TET1: variants seen among roughly 807,000 people sequenced by gnomAD.
TET1 encodes methylcytosine dioxygenase TET1.
TET1 carries 13 observed loss-of-function variants against 148.7 expected under a neutral mutation model. The observed-to-expected ratio is 0.09, with a 90% confidence interval of 0.06 to 0.14. TET1 has a LOEUF of 0.14. Ranked by LOEUF, TET1 falls within the 10% of genes least tolerant of loss-of-function variation. The pLI, the probability that TET1 is intolerant of heterozygous loss-of-function variation, is 1.00. For missense variants in TET1, 2,182 were observed against 2,553.8 expected (o/e 0.85, Z 3.14); for synonymous variants, 907 against 937.2 (o/e 0.97, Z 0.59).
intron 2 of TET1, among the ~76,000 whole-genome samples, chr10:68,593,915 ATT>A (rs3998851): frequency 1.3e-3 from 56 of 44,730 alleles, no homozygotes; most frequent in African/African-American, 3.1e-3. Flanking sequence ...CGCCTGAGCT[ATT>A]TTTTTTTTTT....
chr10:68,606,095 G>A (rs1335761383), intron 3 of TET1, among the ~76,000 whole-genome samples: 3 of 152,166 alleles, frequency 2.0e-5, no homozygotes, highest in African/African-American at 7.2e-5. Flanking sequence ...GGCCAGGTTC[G>A]GTGGCTCATG....
chr10:68,611,813 CCTCAG>C (rs1444137896), intron 3 of TET1, among the ~76,000 whole-genome samples: 3 of 132,764 alleles, frequency 2.3e-5, no homozygotes, highest in Non-Finnish European at 3.2e-5. Flanking sequence ...GATTCTCCTG[CCTCAG>C]TCTCCATGAG....
intron 7 of TET1, among the ~76,000 whole-genome samples, chr10:68,667,468 C>T (rs2055209694): frequency 6.6e-6 from 1 of 152,126 alleles, no homozygotes; most frequent in African/African-American, 2.4e-5. Context: ...AATATTACTT[C>T]ACTGTGACCA....
rs374116756 is a variant in TET1 at position 68,573,657 on chromosome 10, T to C, written c.1319T>C (p.Ile440Thr). ...PVFLPVPPNP[I>T]ATFNAPSKWP... ...TTCCTTCCTGTTCCTCCAAATCCAA[T>C]TGCTACCTTTAATGCTCCTTCCAAA... The change falls in exon 2 of 12, where the codon ATT (isoleucine) becomes ACT (threonine). Residue 440 changes from isoleucine to threonine, a missense_variant. Physicochemically the swap from Ile to Thr is moderately conservative, Grantham distance 89. Coordinates refer to ENST00000373644, the MANE Select transcript of TET1 (RefSeq NM_030625.3). 4.3e-6 allele frequency: 7 copies of C among 1,614,124 alleles called. No homozygotes were observed. The highest frequency in any genetic ancestry group is 2.7e-5 in the African/African-American group (2 of 75,038).
At chr10:68,586,562 C>T (rs571665605) in intron 2 of TET1, among the ~76,000 whole-genome samples, 6 of 150,358 alleles carry the variant, frequency 4.0e-5, no homozygotes, top group Admixed American at 6.7e-5. Flanking sequence ...CTTGAACTCC[C>T]GGCCTCAAGT....
At chr10:68,632,538 A>T (rs2054589597) in intron 3 of TET1, 3 of 1,611,200 alleles carry the variant, frequency 1.9e-6, no homozygotes, top group Admixed American at 1.7e-5. Flanking sequence ...GTAGAATTAG[A>T]AGATCATGTG....
Position 68,690,976 on chromosome 10 carries a change from C to T in TET1, c.5573C>T (p.Thr1858Ile), listed in dbSNP as rs765293990. The change falls in exon 12 of 12, where the codon ACA becomes ATA. Residue 1858 changes from threonine to isoleucine, a missense_variant. By Grantham distance (89) the Thr-to-Ile change is moderately conservative (BLOSUM62 -1). Coordinates refer to ENST00000373644, the MANE Select transcript of TET1 (RefSeq NM_030625.3). ...FSWSPKTASA[T>I]PAPLKNDATA... ...TGGTCCCCGAAGACTGCTTCAGCCA[C>T]ACCAGCTCCACTGAAGAATGACGCA... 6.8e-6 allele frequency: 11 copies of T among 1,614,124 alleles called. No homozygotes were observed. Among genetic ancestry groups the T allele is most frequent in the Admixed American group, 1.7e-5 (1 of 60,014 alleles).
Position 68,693,787 on chromosome 10 carries a change from C to T in TET1, c.*1973C>T, listed in dbSNP as rs1445422798. The T allele has an allele frequency of 2.2e-5, 5 of 231,402 alleles. No individual in the cohort carries two copies. In the East Asian group the frequency reaches 2.5e-4, roughly 11 times the overall value. 14.3% of individuals were successfully genotyped at this position (231,402 alleles called of 1,614,324 possible). A position where few individuals can be genotyped will look rare whatever the true frequency, so the allele number is the denominator to read the frequency against. ...CTAGTATTAGACTATCAGGAATACACCCTTGCGAGATTATGTTTTAGATTT... is the reference window on the plus strand; with the variant it reads ...CTAGTATTAGACTATCAGGAATACATCCTTGCGAGATTATGTTTTAGATTT... On this transcript the variant is annotated 3_prime_UTR_variant, in exon 12 of 12. Transcript: ENST00000373644.
intron 3 of TET1, among the ~76,000 whole-genome samples, chr10:68,618,559 T>C (rs1002046114): frequency 6.6e-6 from 1 of 152,148 alleles, no homozygotes; most frequent in Non-Finnish European, 1.5e-5. Flanking sequence ...ACTCCTCCAA[T>C]CTGGGACCAC....
intron 3 of TET1, chr10:68,632,851 A>T: frequency 1.4e-6 from 1 of 690,732 alleles, no homozygotes; most frequent in Non-Finnish European, 2.3e-6. Flanking sequence ...AAAAAAAAAA[A>T]AGAAAGAAAA....
chr10:68,627,848 A>G (rs2054509290), intron 3 of TET1, among the ~76,000 whole-genome samples: 2 of 151,998 alleles, frequency 1.3e-5, no homozygotes, highest in Non-Finnish European at 2.9e-5. Flanking sequence ...AGATGGGACA[A>G]TCTCTTGAAC....
chr10:68,675,046 A>G, intron 8 of TET1: 1 of 503,844 alleles, frequency 2.0e-6, no homozygotes, highest in Non-Finnish European at 3.3e-6. Context: ...ACTGAGGACA[A>G]AACAGGTGCT....
chr10:68,642,793 C>T (rs1307870229), intron 3 of TET1, among the ~76,000 whole-genome samples: 2 of 151,968 alleles, frequency 1.3e-5, no homozygotes, highest in Non-Finnish European at 2.9e-5. Flanking sequence ...TTAGTAGATA[C>T]GGGGTTTTGC....
At chr10:68,669,479 T>TTTTTTC (rs1224212179) in intron 7 of TET1, among the ~76,000 whole-genome samples, 1 of 142,866 alleles carries the variant, frequency 7.0e-6, no homozygotes, top group Non-Finnish European at 1.5e-5. Context: ...CCCAGCTTTT[T>TTTTTTC]TTTTTTTTTT....
At chr10:68,605,160 A>G (rs1181941423) in intron 3 of TET1, among the ~76,000 whole-genome samples, 1 of 152,150 alleles carries the variant, frequency 6.6e-6, no homozygotes, top group African/African-American at 2.4e-5. Flanking sequence ...CTTTTCCTTC[A>G]TTCCTTGATG....
chr10:68,574,955 G>A (rs1234297558), intron 2 of TET1, among the ~76,000 whole-genome samples: 1 of 152,158 alleles, frequency 6.6e-6, no homozygotes, highest in Admixed American at 6.5e-5. Context: ...AGGGAGCTTG[G>A]TTAAAACCCA....
chr10:68,664,056 G>A (rs1013475275), intron 6 of TET1, among the ~76,000 whole-genome samples: 23 of 151,854 alleles, frequency 1.5e-4, no homozygotes, highest in Admixed American at 1.5e-3. Flanking sequence ...CTGTAGTGCA[G>A]TGTTGCAGTC....
rs184850243 is a variant in TET1, at chr10:68,643,123, T to C, written c.1969-1575T>C. ...CAAATACAAAAAAATTAGCCAGGCA[T>C]GGTGGTATGTGCCTGTGGTCCCAGC... On this transcript the variant is annotated intron_variant, in intron 3 of 11. Transcript: ENST00000373644. Among the ~76,000 whole-genome samples the C allele has an allele frequency of 1.9e-3, 283 of 151,766 alleles. 1 individual carries two copies. Among genetic ancestry groups the C allele is most frequent in the African/African-American group, 6.5e-3 (271 of 41,408 alleles).
chr10:68,604,143 A>G (rs967960652), intron 3 of TET1, among the ~76,000 whole-genome samples: 3 of 152,198 alleles, frequency 2.0e-5, no homozygotes, highest in African/African-American at 7.2e-5. Context: ...CTTTTAAGTG[A>G]CGTGGTTTGG....
Sources: gnomAD v4.1 joint callset for allele counts (sites outside exome capture counted in the v4.1 genomes callset) on GRCh38, gnomAD v4.1.1 for gene constraint, MANE v1.5 for transcripts, NCBI Gene and HGNC (gene_info 2026-07-23, HGNC 2026-07-21) for gene names.